The following MTUS2 variants were observed in gnomAD, a reference collection of about 807,000 sequenced individuals.
MTUS2 encodes the protein microtubule-associated tumor suppressor candidate 2.
In MTUS2, 40 loss-of-function variants were observed where a neutral mutation model predicts 114.1. That is an observed-to-expected ratio of 0.35 (90% CI 0.27 to 0.46). MTUS2 has a LOEUF of 0.46. Ranked by LOEUF, MTUS2 falls within the 20% of genes least tolerant of loss-of-function variation. The pLI is 1.00. For missense variants in MTUS2, 1,679 were observed against 1,705.4 expected (o/e 0.98, Z 0.27); for synonymous variants, 688 against 672.0 (o/e 1.02, Z -0.37).
chr13:29,088,938 A>T (rs2138766758), intron 4 of MTUS2, among the ~76,000 whole-genome samples: 1 of 152,220 alleles, frequency 6.6e-6, no homozygotes, highest in East Asian at 1.9e-4. Context: ...TTTAGATGAG[A>T]TGTTTAATCC....
In MTUS2 at chr13:29,026,530, C is replaced by T. The variant is rs555930972; in HGVS notation, c.1832C>T (p.Ser611Leu). Residue 611 changes from serine to leucine, a missense_variant, in exon 3 of 16, where the codon TCG (serine) becomes TTG (leucine). Ser to Leu is a moderately radical substitution (Grantham distance 145). Around this residue, in one of 3 missense-constraint regions of MTUS2, gnomAD observed 843 missense variants for 770.8 expected, o/e 1.09. Coordinates refer to ENST00000612955, the MANE Select transcript of MTUS2 (RefSeq NM_001033602.4). ...ACACATTCCAAGGACACACCTTCCT[C>T]GCAGGAGGGAATGGAGAACTATCAG... is the stretch of plus-strand genomic sequence containing the variant. Reference protein sequence around the residue: ...VFTHSKDTPSSQEGMENYQVE... With the variant: ...VFTHSKDTPSLQEGMENYQVE... The T allele has an allele frequency of 1.2e-5, 20 of 1,613,906 alleles. No homozygotes were observed. The highest frequency in any genetic ancestry group is 4.0e-5 in the African/African-American group (3 of 75,022).
In MTUS2 at chr13:29,026,901, G is replaced by A. The variant is rs776556404; in HGVS notation, c.2203G>A (p.Glu735Lys). Residue 735 changes from glutamate to lysine, a missense_variant and splice_region_variant, in exon 3 of 16, where the codon GAG becomes AAG. Coordinates refer to ENST00000612955, the MANE Select transcript of MTUS2 (RefSeq NM_001033602.4). ...FSQMSEKFLQ[E>K]VTDHPGKEEF... ...TCAAATGAGTGAAAAGTTTTTGCAG[G>A]AGGTAAGAGAATGTCATTATGATAT... 3 of 1,584,352 alleles carry A rather than the reference G, an allele frequency of 1.9e-6. No individual in the cohort carries two copies. The highest frequency in any genetic ancestry group is 1.3e-5 in the African/African-American group (1 of 74,328).
chr13:29,452,598 G>A (rs879357501), intron 9 of MTUS2, among the ~76,000 whole-genome samples: 4,713 of 147,702 alleles, frequency 0.032, 110 homozygotes, highest in South Asian at 0.055. Flanking sequence ...GTGTGTGTGT[G>A]TGTGTGTGTA....
chr13:28,891,814 G>T (rs1188143195), intron 2 of MTUS2, among the ~76,000 whole-genome samples: 1 of 137,806 alleles, frequency 7.3e-6, no homozygotes, highest in East Asian at 2.4e-4. Context: ...GGAGTCGGAG[G>T]TTGCAGTGAG....
At chr13:28,992,675 C>T (rs1246555208) in intron 2 of MTUS2, among the ~76,000 whole-genome samples, 2 of 152,174 alleles carry the variant, frequency 1.3e-5, no homozygotes, top group Non-Finnish European at 2.9e-5. Context: ...CCCTCGCATG[C>T]TCCCCTGGGC....
chr13:29,108,592 C>A (rs1053376667), intron 5 of MTUS2, among the ~76,000 whole-genome samples: 7 of 152,152 alleles, frequency 4.6e-5, no homozygotes, highest in African/African-American at 1.7e-4. Context: ...CTGCCATGAC[C>A]TGGACAAGGG....
upstream of MTUS2, among the ~76,000 whole-genome samples, chr13:28,820,055 C>A (rs949490165): frequency 2.7e-5 from 4 of 147,104 alleles, no homozygotes; most frequent in African/African-American, 9.7e-5. Flanking sequence ...GCCACTGTCA[C>A]CGCGGACGGC....
intron 5 of MTUS2, among the ~76,000 whole-genome samples, chr13:29,197,560 T>TTATAATC (rs1566060611): frequency 6.7e-6 from 1 of 149,626 alleles, no homozygotes; most frequent in Non-Finnish European, 1.5e-5. Context: ...GTAGAATGAT[T>TTATAATC]CTTTGGGTAT....
chr13:28,963,928 C>A (rs75605218), intron 2 of MTUS2, among the ~76,000 whole-genome samples: 2 of 152,176 alleles, frequency 1.3e-5, no homozygotes, highest in African/African-American at 2.4e-5. Context: ...CAGTCTCCCC[C>A]CAGCCTGACC....
intron 2 of MTUS2, among the ~76,000 whole-genome samples, chr13:29,003,849 T>C (rs1370992010): frequency 6.6e-6 from 1 of 152,194 alleles, no homozygotes; most frequent in East Asian, 1.9e-4. Context: ...ATGGCTCTTC[T>C]GCCACTCTTT....
At chr13:29,155,378 A>G (rs563305561) in intron 5 of MTUS2, among the ~76,000 whole-genome samples, 1 of 152,228 alleles carries the variant, frequency 6.6e-6, no homozygotes, top group Non-Finnish European at 1.5e-5. Flanking sequence ...ACCCTTAGCA[A>G]AACAGAAACA....
chr13:29,366,977 A>G (rs1870775920), intron 8 of MTUS2, among the ~76,000 whole-genome samples: 1 of 152,002 alleles, frequency 6.6e-6, no homozygotes. Context: ...TCCTTAATAC[A>G]CACACACTCT....
rs552887735 is a variant in MTUS2 at position 29,208,784 on chromosome 13, G to T, written c.2645-72920G>T. ...TAATTTTTAGTTTTATTCCACTGTGGTCTGAGAGAGTACTTGATATAACTT... is the reference window on the plus strand; with the variant it reads ...TAATTTTTAGTTTTATTCCACTGTGTTCTGAGAGAGTACTTGATATAACTT... On this transcript the variant is annotated intron_variant, in intron 5 of 15. Coordinates refer to ENST00000612955, the MANE Select transcript of MTUS2 (RefSeq NM_001033602.4). Among the ~76,000 whole-genome samples the T allele has an allele frequency of 4.6e-5, 7 of 152,160 alleles. No individual in the cohort carries two copies. In the South Asian group the frequency reaches 1.5e-3, roughly 32 times the overall value.
chr13:28,846,631 T>C (rs1409240891), intron 2 of MTUS2, among the ~76,000 whole-genome samples: 1 of 152,246 alleles, frequency 6.6e-6, no homozygotes, highest in Admixed American at 6.5e-5. Context: ...TCATGTTTTC[T>C]TCTGCTTCAT....
intron 2 of MTUS2, among the ~76,000 whole-genome samples, chr13:29,005,413 A>T (rs947009806): frequency 2.0e-5 from 3 of 152,182 alleles, no homozygotes; most frequent in Non-Finnish European, 2.9e-5. Flanking sequence ...TGAACTTGGC[A>T]AAGTTCTGTT....
chr13:29,228,032 T>G (rs1466886259), intron 5 of MTUS2, among the ~76,000 whole-genome samples: 4 of 45,212 alleles, frequency 8.8e-5, no homozygotes, highest in Non-Finnish European at 1.6e-4. Context: ...GTATCTATTT[T>G]ATATGTATGC....
At chr13:29,123,971 A>T (rs1260385692) in intron 5 of MTUS2, among the ~76,000 whole-genome samples, 1 of 152,222 alleles carries the variant, frequency 6.6e-6, no homozygotes, top group Non-Finnish European at 1.5e-5. Context: ...TTAGGTCAAC[A>T]CACCATTGCC....
intron 4 of MTUS2, among the ~76,000 whole-genome samples, chr13:29,047,114 A>T (rs192415211): frequency 6.6e-6 from 1 of 152,194 alleles, no homozygotes; most frequent in African/African-American, 2.4e-5. Flanking sequence ...TGAGTGTTCA[A>T]TTTCCTTAGG....
At chr13:29,090,733 C>T (rs978656096) in intron 4 of MTUS2, among the ~76,000 whole-genome samples, 3 of 152,180 alleles carry the variant, frequency 2.0e-5, no homozygotes, top group Non-Finnish European at 2.9e-5. Context: ...GCAGGAGAGC[C>T]CTGCTCTCTT....
Sources: allele counts gnomAD v4.1 joint callset (sites outside exome capture counted in the v4.1 genomes callset), GRCh38; gene constraint gnomAD v4.1.1; regional missense constraint gnomAD v4.1.1; transcripts MANE v1.5; gene names NCBI Gene and HGNC (gene_info 2026-07-23, HGNC 2026-07-21).